Variants in ADIPOR2 observed in about 807,000 individuals in gnomAD.
The protein encoded by ADIPOR2 is adiponectin receptor protein 2.
Under a neutral mutation model 40.9 loss-of-function variants are expected in ADIPOR2, and 18 were observed. The observed-to-expected ratio is 0.44, with a 90% CI of 0.30 to 0.65. The LOEUF (loss-of-function observed/expected upper bound fraction) is 0.65, where lower values mean the gene tolerates loss of function less well. ADIPOR2 is among the 30% of genes least tolerant of loss of function. The pLI is 0.09. For missense variants in ADIPOR2, 283 were observed against 479.2 expected, an observed-to-expected ratio of 0.59 and a Z score of 3.82; for synonymous variants, 165 against 166.4, an observed-to-expected ratio of 0.99 and a Z score of 0.06.
At chr12:1,712,045 A>T (rs1454781127) in intron 1 of ADIPOR2, among the ~76,000 whole-genome samples, 6 of 151,900 alleles carry the variant, frequency 3.9e-5, no homozygotes, top group Non-Finnish European at 8.8e-5. Flanking sequence ...TCCCTGGGGG[A>T]GGAGGCTTAC....
At chr12:1,759,526 A>T (rs1157981221) in intron 2 of ADIPOR2, among the ~76,000 whole-genome samples, 1 of 152,164 alleles carries the variant, frequency 6.6e-6, no homozygotes, top group Non-Finnish European at 1.5e-5. Flanking sequence ...TGCATTACAG[A>T]CTGTGGTATC....
At chr12:1,765,399 T>C (rs1862355451) in intron 2 of ADIPOR2, among the ~76,000 whole-genome samples, 1 of 152,198 alleles carries the variant, frequency 6.6e-6, no homozygotes, top group Non-Finnish European at 1.5e-5. Context: ...GCTGTGTACT[T>C]TCTCTTAGCT....
chr12:1,692,549 C>G (rs2094629289), intron 1 of ADIPOR2, among the ~76,000 whole-genome samples: 1 of 152,148 alleles, frequency 6.6e-6, no homozygotes, highest in Non-Finnish European at 1.5e-5. Flanking sequence ...CTCCAGTATA[C>G]GTTCCTATCT....
chr12:1,695,855 C>G (rs1484371997), intron 1 of ADIPOR2: 1 of 150,482 alleles, frequency 6.6e-6, no homozygotes, highest in Non-Finnish European at 1.5e-5. Context: ...TTTTATTTTT[C>G]TATTTTTTTT....
At chr12:1,729,622 T>TTG (rs1555167992) in intron 1 of ADIPOR2, among the ~76,000 whole-genome samples, 1 of 39,452 alleles carries the variant, frequency 2.5e-5, no homozygotes, top group African/African-American at 5.8e-5. Flanking sequence ...CAGTTGTTTT[T>TTG]TTTTTTTTTT....
intron 3 of ADIPOR2, among the ~76,000 whole-genome samples, chr12:1,773,503 C>T (rs1862527403): frequency 6.9e-6 from 1 of 144,642 alleles, no homozygotes; most frequent in African/African-American, 2.5e-5. Context: ...TCCCTAGGAC[C>T]TATTATGGGA....
chr12:1,771,428 A>T (rs912180555), intron 2 of ADIPOR2, among the ~76,000 whole-genome samples: 8 of 151,838 alleles, frequency 5.3e-5, no homozygotes, highest in African/African-American at 1.9e-4. Flanking sequence ...TGTGGGTAGC[A>T]GTAATGAAAG....
intron 1 of ADIPOR2, among the ~76,000 whole-genome samples, chr12:1,700,603 A>G (rs1016848102): frequency 7.9e-5 from 12 of 152,200 alleles, no homozygotes; most frequent in African/African-American, 2.9e-4. Context: ...AATGACTAAG[A>G]ATAAAAATTG....
At chr12:1,726,541 G>A (rs2094708383) in intron 1 of ADIPOR2, among the ~76,000 whole-genome samples, 1 of 152,168 alleles carries the variant, frequency 6.6e-6, no homozygotes, top group South Asian at 2.1e-4. Flanking sequence ...CATTAGGAAG[G>A]CAACCTGGTG....
chr12:1,734,128 T>C lies in ADIPOR2; in HGVS notation c.-86-20130T>C, dbSNP rs376375047. ...TCTAATCCTTTGGGTATATACCCAGTAATGGGATGGCTGGGTCAAATGGTA... is the reference window on the plus strand; with the variant it reads ...TCTAATCCTTTGGGTATATACCCAGCAATGGGATGGCTGGGTCAAATGGTA... On this transcript the variant is annotated intron_variant, in intron 1 of 7. Coordinates refer to ENST00000357103, the MANE Select transcript of ADIPOR2 (RefSeq NM_024551.3). Among the ~76,000 whole-genome samples the C allele has an allele frequency of 2.6e-5, 4 of 152,180 alleles. No individual in the cohort carries two copies. In the East Asian group the frequency reaches 7.7e-4, roughly 29 times the overall value.
Position 1,733,968 on chromosome 12 carries a change from A to G in ADIPOR2, c.-86-20290A>G, listed in dbSNP as rs570144177. 1.6e-4 allele frequency among the ~76,000 whole-genome samples: 25 copies of G among 152,216 alleles called. 1 individual carries two copies. In the South Asian group the frequency reaches 5.0e-3, roughly 30 times the overall value. ...CTTTTTTATGGCTGCATAGTATTCC[A>G]TGGTGTATATGTGCCACATTTTCTT... is the stretch of plus-strand genomic sequence containing the variant. On this transcript the variant is annotated intron_variant, in intron 1 of 7. Transcript: ENST00000357103.
At chr12:1,749,028 C>T (rs2094763219) in intron 1 of ADIPOR2, among the ~76,000 whole-genome samples, 1 of 152,172 alleles carries the variant, frequency 6.6e-6, no homozygotes, top group African/African-American at 2.4e-5. Context: ...GCTCCCATGG[C>T]CCCCTCTTTG....
intron 1 of ADIPOR2, among the ~76,000 whole-genome samples, chr12:1,719,829 C>T (rs1320445733): frequency 6.6e-6 from 1 of 152,086 alleles, no homozygotes; most frequent in Non-Finnish European, 1.5e-5. Flanking sequence ...TATGTACCAC[C>T]ATGCCCAGCT....
intron 2 of ADIPOR2, among the ~76,000 whole-genome samples, chr12:1,764,725 AC>A (rs1862340832): frequency 6.6e-6 from 1 of 151,940 alleles, no homozygotes; most frequent in South Asian, 2.1e-4. Context: ...GGTAACCATT[AC>A]CCTGACTTCT....
chr12:1,757,527 A>G (rs1031223762), intron 2 of ADIPOR2: 2 of 812,804 alleles, frequency 2.5e-6, no homozygotes, highest in South Asian at 1.4e-5. Flanking sequence ...AATCTTGCCA[A>G]TCTCCAAATC....
At chr12:1,782,755 G>A (rs760410861) in intron 6 of ADIPOR2, among the ~76,000 whole-genome samples, 8 of 152,028 alleles carry the variant, frequency 5.3e-5, no homozygotes, top group Non-Finnish European at 8.8e-5. Context: ...TGCTTCTGGA[G>A]GCAGTAAGGC....
intron 1 of ADIPOR2, among the ~76,000 whole-genome samples, chr12:1,741,979 C>A (rs1038241361): frequency 6.6e-6 from 1 of 151,224 alleles, no homozygotes; most frequent in Non-Finnish European, 1.5e-5. Context: ...ATTTTATTAC[C>A]TCTAGGCTGG....
intron 1 of ADIPOR2, among the ~76,000 whole-genome samples, chr12:1,743,310 TAAAA>T (rs137936686): frequency 3.4e-5 from 3 of 88,586 alleles, no homozygotes; most frequent in Non-Finnish European, 6.7e-5. Flanking sequence ...AGACGCTGTC[TAAAA>T]AAAAAAAAAA....
intron 2 of ADIPOR2, among the ~76,000 whole-genome samples, chr12:1,761,225 A>G (rs1389583687): frequency 5.9e-5 from 9 of 152,270 alleles, no homozygotes; most frequent in Admixed American, 2.6e-4. Flanking sequence ...TTTCCTGTGG[A>G]TGGGGGGAAA....
Sources: allele counts gnomAD v4.1 joint callset (sites outside exome capture counted in the v4.1 genomes callset), GRCh38; gene constraint gnomAD v4.1.1; transcripts MANE v1.5; gene names NCBI Gene and HGNC (gene_info 2026-07-23, HGNC 2026-07-21).